The following RBBP8 variants were observed in gnomAD, a reference collection of about 807,000 sequenced individuals.
RBBP8 encodes the protein DNA endonuclease RBBP8.
RBBP8 carries 88 observed loss-of-function variants against 108.3 expected under a neutral mutation model. The observed-to-expected ratio is 0.81, with a 90% CI of 0.68 to 0.97. The LOEUF (loss-of-function observed/expected upper bound fraction) is 0.97. Ranked by LOEUF, RBBP8 falls within the 50% of genes least tolerant of loss-of-function variation. The pLI, the probability that RBBP8 is intolerant of heterozygous loss-of-function variation, is 0.00. For missense variants in RBBP8, 1,023 were observed against 1,049.0 expected, an observed-to-expected ratio of 0.98 and a Z score of 0.34; for synonymous variants, 332 against 348.2, an observed-to-expected ratio of 0.95 and a Z score of 0.52.
At chr18:22,946,556 C>G (rs532111738) in intron 3 of RBBP8, 70 bp downstream of exon 3, 1 of 1,592,860 alleles carries the variant, frequency 6.3e-7, no homozygotes, top group African/African-American at 1.3e-5. Flanking sequence ...ATTTGACATT[C>G]ATAGAGTAGT....
chr18:22,941,622 C>T (rs1208392287), intron 2 of RBBP8, among the ~76,000 whole-genome samples: 1 of 151,946 alleles, frequency 6.6e-6, no homozygotes, highest in Non-Finnish European at 1.5e-5. Flanking sequence ...AACAATATGC[C>T]ATATTTATCA....
intron 4 of RBBP8, among the ~76,000 whole-genome samples, chr18:22,952,671 C>G (rs182108953): frequency 6.0e-4 from 91 of 152,292 alleles, no homozygotes; most frequent in African/African-American, 2.1e-3. Flanking sequence ...AGCCATCTCT[C>G]CCACTCACCC....
At chr18:23,018,418 A>G (rs1208752679) in intron 17 of RBBP8, among the ~76,000 whole-genome samples, 1 of 152,272 alleles carries the variant, frequency 6.6e-6, no homozygotes. Context: ...TTCCTTTTAT[A>G]CATTGGCTGT....
At chr18:22,999,273 G>T (rs1417137349) in intron 14 of RBBP8, among the ~76,000 whole-genome samples, 1 of 152,166 alleles carries the variant, frequency 6.6e-6, no homozygotes, top group African/African-American at 2.4e-5. Context: ...AGGAATTCAG[G>T]AAAGGCTTGG....
intron 2 of RBBP8, among the ~76,000 whole-genome samples, chr18:22,940,298 T>C (rs1251485339): frequency 6.7e-6 from 1 of 148,716 alleles, no homozygotes; most frequent in Non-Finnish European, 1.5e-5. Context: ...GGGATACCTT[T>C]CTATTAGTGT....
intron 3 of RBBP8, among the ~76,000 whole-genome samples, chr18:22,924,226 T>C (rs1598621231): frequency 6.7e-6 from 1 of 149,254 alleles, no homozygotes; most frequent in East Asian, 2.0e-4. Flanking sequence ...CCTCCCTGGT[T>C]CAAGCAATTC....
In RBBP8 at chr18:22,993,237, TTTCCC is replaced by T; in HGVS notation, c.1413_1417del (p.Pro472SerfsTer4). Reference sequence around the variant, plus strand: ...AAGCTTCTTTTGATAAAGAAAATGCTTTCCCTTTTCCAATGGATAATCAGTTTTCC... The same window carrying T: ...AAGCTTCTTTTGATAAAGAAAATGCTTTTTCCAATGGATAATCAGTTTTCC... On this transcript the variant is annotated frameshift_variant, in exon 11 of 19. Coordinates refer to ENST00000327155, the MANE Select transcript of RBBP8 (RefSeq NM_002894.3). LOFTEE classifies it high-confidence loss of function. 1 of 1,614,246 alleles carries T rather than the reference TTTCCC, an allele frequency of 6.2e-7. No homozygotes were observed. The highest frequency in any genetic ancestry group is 1.3e-5 in the African/African-American group (1 of 75,070).
chr18:22,993,336 A>G lies in RBBP8; in HGVS notation c.1509A>G (p.Gln503=). 1 of 1,614,262 alleles carries G rather than the reference A, an allele frequency of 6.2e-7. No homozygotes were observed. Among genetic ancestry groups the G allele is most frequent in the South Asian group, 1.1e-5 (1 of 91,090 alleles). The change falls in exon 11 of 19, where the codon CAA becomes CAG. Residue 503 remains glutamine (Q), a synonymous_variant. Coordinates refer to ENST00000327155, the MANE Select transcript of RBBP8 (RefSeq NM_002894.3). ...LSDRFSAIQR[Q]EKSQGSETSK... ...ATCGATTTTCAGCTATTCAGCGTCA[A>G]GAGAAAAGCCAAGGAAGTGAGACTT...
At chr18:22,953,108 C>T (rs1912184186) in intron 4 of RBBP8, among the ~76,000 whole-genome samples, 1 of 152,186 alleles carries the variant, frequency 6.6e-6, no homozygotes, top group Non-Finnish European at 1.5e-5. Flanking sequence ...CTGTCAGACC[C>T]TCATGCCTCT....
chr18:22,929,957 A>T (rs1020006452), upstream of RBBP8, among the ~76,000 whole-genome samples: 1 of 152,234 alleles, frequency 6.6e-6, no homozygotes, highest in African/African-American at 2.4e-5. Flanking sequence ...GACTTTAGTG[A>T]TATCAGTCTA....
At chr18:22,966,933 C>T (rs1913656367) in intron 4 of RBBP8, among the ~76,000 whole-genome samples, 1 of 152,042 alleles carries the variant, frequency 6.6e-6, no homozygotes, top group African/African-American at 2.4e-5. Context: ...CCACATTGGC[C>T]AGGCTGGTCT....
chr18:22,915,313 A>T (rs4800437), intron 1 of RBBP8: 151,935 of 152,244 alleles, frequency 1, 75,815 homozygotes, highest in Middle Eastern at 1. Flanking sequence ...AAGGCTATAA[A>T]ATTATTTTCT....
chr18:22,935,076 TGTTAGA>T (rs771701179), intron 1 of RBBP8, among the ~76,000 whole-genome samples: 3 of 150,954 alleles, frequency 2.0e-5, no homozygotes, highest in African/African-American at 4.8e-5. Flanking sequence ...TTTGTTTATC[TGTTAGA>T]GTTAAAGATA....
At chr18:22,956,463 G>C (rs894166645) in intron 4 of RBBP8, among the ~76,000 whole-genome samples, 1 of 152,014 alleles carries the variant, frequency 6.6e-6, no homozygotes, top group Admixed American at 6.6e-5. Context: ...GCCCCCCCAG[G>C]TAGCTAGGAC....
chr18:22,972,191 TA>T (rs1269394180), intron 5 of RBBP8, among the ~76,000 whole-genome samples: 1 of 148,114 alleles, frequency 6.8e-6, no homozygotes, highest in African/African-American at 2.5e-5. Context: ...CCGTCTCTAC[TA>T]AAAAAAATAC....
rs570967464 is a variant in RBBP8, at chr18:22,993,155, G to A, written c.1328G>A (p.Arg443Gln). The A allele has an allele frequency of 2.0e-5, 32 of 1,614,096 alleles. No homozygotes were observed. The Admixed American group carries it at 2.0e-4, about 10-fold the overall frequency. Reference sequence around the variant, plus strand: ...GAGCCCCTGAAATCATTGGGAGGCCGAACATCCAAAAGGAAGAAAACTGAG... The same window carrying A: ...GAGCCCCTGAAATCATTGGGAGGCCAAACATCCAAAAGGAAGAAAACTGAG... ...HLEPLKSLGG[R>Q]TSKRKKTEEE... is the part of the protein sequence containing the mutation. The change falls in exon 11 of 19, where the codon CGA (arginine) becomes CAA (glutamine). Residue 443 changes from arginine to glutamine, a missense_variant. By Grantham distance (43) the Arg-to-Gln change is conservative. Transcript: ENST00000327155.
At chr18:22,950,943 G>A (rs574292575) in intron 4 of RBBP8, among the ~76,000 whole-genome samples, 13 of 152,270 alleles carry the variant, frequency 8.5e-5, no homozygotes, top group Middle Eastern at 3.4e-3. Flanking sequence ...TATATGTTAC[G>A]GAAGGGCTGG....
In RBBP8 at chr18:22,993,210, C is replaced by T; in HGVS notation, c.1383C>T (p.Pro461=). ...EEESEHEVSC[P]QASFDKENAF... ...AAAGTGAACATGAAGTAAGCTGCCC[C>T]CAAGCTTCTTTTGATAAAGAAAATG... is the stretch of plus-strand genomic sequence containing the variant. The change falls in exon 11 of 19, where the codon CCC becomes CCT. Residue 461 remains proline, a synonymous_variant. Coordinates refer to ENST00000327155, the MANE Select transcript of RBBP8 (RefSeq NM_002894.3). 1 of 1,614,134 alleles carries T rather than the reference C, an allele frequency of 6.2e-7. No individual in the cohort carries two copies. Among genetic ancestry groups the T allele is most frequent in the Non-Finnish European group, 8.5e-7 (1 of 1,180,028 alleles).
chr18:22,916,470 C>T (rs144486577), intron 2 of RBBP8, among the ~76,000 whole-genome samples: 1 of 151,958 alleles, frequency 6.6e-6, no homozygotes, highest in East Asian at 1.9e-4. Context: ...TCCTGACTTC[C>T]ACCAAGACCA....
Sources: gnomAD v4.1 joint callset for allele counts (sites outside exome capture counted in the v4.1 genomes callset) on GRCh38, gnomAD v4.1.1 for gene constraint, MANE v1.5 for transcripts, NCBI Gene and HGNC (gene_info 2026-07-23, HGNC 2026-07-21) for gene names.